The following TSKU variants were observed in gnomAD, a reference collection of about 807,000 sequenced individuals.
The protein encoded by TSKU is tsukushi.
In TSKU, 4 loss-of-function variants were observed where a neutral mutation model predicts 11.2. The observed-to-expected ratio is 0.36, with a 90% CI of 0.18 to 0.82. The LOEUF is 0.82. TSKU is among the 40% of genes least tolerant of loss of function. TSKU has a pLI of 0.50. For synonymous variants in TSKU, 220 were observed against 232.2 expected (o/e 0.95, Z 0.48); for missense variants, 407 against 482.5 (o/e 0.84, Z 1.47).
At chr11:76,788,463 G>A (rs1022467050) in intron 1 of TSKU, among the ~76,000 whole-genome samples, 4 of 151,840 alleles carry the variant, frequency 2.6e-5, no homozygotes, top group Non-Finnish European at 5.9e-5. Context: ...AGCCAGTCTC[G>A]GACCTGCTGT....
chr11:76,796,565 C>A lies in TSKU; in HGVS notation c.949C>A (p.Arg317=). Residue 317 remains arginine, a synonymous_variant, in exon 2 of 2, where the codon CGG becomes AGG. Coordinates refer to ENST00000333090, the MANE Select transcript of TSKU (RefSeq NM_015516.4). The surrounding 1 kb of genome is among the most constrained non-coding windows in gnomAD (Gnocchi z 4.1). ...CAGCGTGGGCCAGGATGTGCGGTGC[C>A]GGCGCCTGGTGCGGGAGGGCACCTA... ...SVSVGQDVRC[R]RLVREGTYPR... is the part of the protein sequence containing the mutation. The A allele has an allele frequency of 1.3e-6, 2 of 1,582,752 alleles. No individual in the cohort carries two copies. Among genetic ancestry groups the A allele is most frequent in the Non-Finnish European group, 1.7e-6 (2 of 1,162,674 alleles).
intron 1 of TSKU, among the ~76,000 whole-genome samples, chr11:76,783,700 C>T (rs1356978513): frequency 1.3e-5 from 2 of 152,156 alleles, no homozygotes; most frequent in African/African-American, 4.8e-5. Flanking sequence ...GATTTGCGGT[C>T]GGGGACGCGC....
chr11:76,794,818 G>A (rs1158704704), intron 1 of TSKU, among the ~76,000 whole-genome samples: 2 of 152,188 alleles, frequency 1.3e-5, no homozygotes, highest in African/African-American at 4.8e-5. Context: ...AGGGGGACAG[G>A]GCAGGTGGAG....
Position 76,797,800 on chromosome 11 carries a change from A to G in TSKU, c.*1122A>G. 1 of 167,260 alleles carries G rather than the reference A, an allele frequency of 6.0e-6. No individual in the cohort carries two copies. The allele number at this position is 167,260 out of a possible 1,614,324, so 10.4% of individuals were successfully genotyped here. A position where few individuals can be genotyped will look rare whatever the true frequency, so the allele number is the denominator to read the frequency against. ...CATGTCTATGCTCTACCCCCAGGGT[A>G]GCATCTCAGCTTCCGAACCCTGGGC... is the stretch of plus-strand genomic sequence containing the variant. On this transcript the variant is annotated 3_prime_UTR_variant, in exon 2 of 2. Transcript: ENST00000333090.
chr11:76,783,960 C>T (rs1395202476), intron 1 of TSKU, among the ~76,000 whole-genome samples: 1 of 150,396 alleles, frequency 6.6e-6, no homozygotes, highest in African/African-American at 2.4e-5. Context: ...AAACTTTTCT[C>T]CCGGTTCCTC....
intron 1 of TSKU, among the ~76,000 whole-genome samples, chr11:76,793,792 C>A (rs527854868): frequency 1.3e-5 from 2 of 151,382 alleles, no homozygotes; most frequent in African/African-American, 2.4e-5. Flanking sequence ...TTGGCCTCTA[C>A]AAAAGAAAGG....
chr11:76,796,269 C>T lies in TSKU; in HGVS notation c.653C>T (p.Ala218Val), dbSNP rs1465260550. 1 of 1,613,482 alleles carries T rather than the reference C, an allele frequency of 6.2e-7. No individual in the cohort carries two copies. The highest frequency in any genetic ancestry group is 1.7e-5 in the Admixed American group (1 of 60,024). The change falls in exon 2 of 2, where the codon GCT (alanine) becomes GTT (valine). Residue 218 changes from alanine to valine, a missense_variant. Coordinates refer to ENST00000333090, the MANE Select transcript of TSKU (RefSeq NM_015516.4). This position sits in a 1 kb window ranked among gnomAD's most constrained non-coding sequence, Gnocchi z 4.1. The stretch of plus-strand genomic sequence containing the variant: ...CTGAGCCTGGATGGGAACCCTCTAG[C>T]TGTCATTGGTCCGGGTGCCTTCGCG... Reference protein sequence around the residue: ...RYLSLDGNPLAVIGPGAFAGL... With the variant: ...RYLSLDGNPLVVIGPGAFAGL...
intron 1 of TSKU, among the ~76,000 whole-genome samples, chr11:76,793,862 C>T (rs549498430): frequency 6.6e-6 from 1 of 152,246 alleles, no homozygotes; most frequent in African/African-American, 2.4e-5. Flanking sequence ...CCACTTTTCC[C>T]TGCCCCTGGG....
chr11:76,790,407 G>A (rs1837680), intron 1 of TSKU, among the ~76,000 whole-genome samples: 45,054 of 152,104 alleles, frequency 0.3, 7,598 homozygotes, highest in African/African-American at 0.46. Context: ...ATTTGTCAGC[G>A]TCCTGGTGCT....
rs1944457797 is a variant in TSKU at position 76,796,702 on chromosome 11, A to G, written c.*24A>G. On this transcript the variant is annotated 3_prime_UTR_variant, in exon 2 of 2. Coordinates refer to ENST00000333090, the MANE Select transcript of TSKU (RefSeq NM_015516.4). The surrounding 1 kb of genome is among the most constrained non-coding windows in gnomAD (Gnocchi z 4.1). ...GACAAATGGTGTGGCCCAGGGCCAC[A>G]TAACAGACTGCTGTCCTGGGCTGCC... The G allele has an allele frequency of 9.1e-6, 13 of 1,435,008 alleles. No homozygotes were observed. Among genetic ancestry groups the G allele is most frequent in the East Asian group, 2.5e-5 (1 of 39,746 alleles). 88.9% of individuals were successfully genotyped at this position (1,435,008 alleles called of 1,614,324 possible). A position where few individuals can be genotyped will look rare whatever the true frequency, so the allele number is the denominator to read the frequency against.
chr11:76,793,648 G>A (rs1268139220), intron 1 of TSKU, among the ~76,000 whole-genome samples: 1 of 152,100 alleles, frequency 6.6e-6, no homozygotes, highest in Non-Finnish European at 1.5e-5. Flanking sequence ...CTGCGGTGAG[G>A]AGCTCGCCCA....
At chr11:76,793,024 G>A (rs1944394999) in intron 1 of TSKU, among the ~76,000 whole-genome samples, 1 of 152,256 alleles carries the variant, frequency 6.6e-6, no homozygotes, top group African/African-American at 2.4e-5. Context: ...CAGAGAGTGA[G>A]GACTGGCCCT....
intron 1 of TSKU, among the ~76,000 whole-genome samples, chr11:76,793,151 C>T (rs894914753): frequency 6.6e-6 from 1 of 152,266 alleles, no homozygotes; most frequent in Non-Finnish European, 1.5e-5. Context: ...GAACCTAGTT[C>T]AGTGCCCTGG....
rs201729113 is a variant in TSKU, at chr11:76,795,776, G to T, written c.160G>T (p.Val54Leu). The change falls in exon 2 of 2, where the codon GTG becomes TTG. Residue 54 changes from valine to leucine, a missense_variant. Physicochemically the swap from Val to Leu is conservative, Grantham distance 32 (BLOSUM62 1). Transcript: ENST00000333090. ...CGGCCTGGGCCCCCACATCATGCCG[G>T]TGCCCATCCCTCTGGACACAGCCCA... Reference protein sequence around the residue: ...CSGLGPHIMPVPIPLDTAHLD... With the variant: ...CSGLGPHIMPLPIPLDTAHLD... 5 of 1,614,160 alleles carry T rather than the reference G, an allele frequency of 3.1e-6. No homozygotes were observed. In the Admixed American group the frequency reaches 6.7e-5, roughly 22 times the overall value.
intron 1 of TSKU, among the ~76,000 whole-genome samples, chr11:76,795,300 C>G (rs1411655691): frequency 1.3e-5 from 2 of 152,212 alleles, no homozygotes; most frequent in Non-Finnish European, 2.9e-5. Context: ...GGGCAGAAGT[C>G]GAGGGCTTCA....
At chr11:76,791,581 G>C (rs1387806002) in intron 1 of TSKU, among the ~76,000 whole-genome samples, 1 of 152,242 alleles carries the variant, frequency 6.6e-6, no homozygotes, top group Non-Finnish European at 1.5e-5. Context: ...TGGCTTCAGA[G>C]GGTGCAAGCC....
rs1444777160 is a variant in TSKU, at chr11:76,796,117, C to T, written c.501C>T (p.Asn167=). ...GRALHVDLSH[N]LIHRLVPHPT... ...CACTACACGTGGACCTCTCCCACAACCTCATTCACCGCCTCGTGCCCCACC... is the reference window on the plus strand; with the variant it reads ...CACTACACGTGGACCTCTCCCACAATCTCATTCACCGCCTCGTGCCCCACC... The change falls in exon 2 of 2, where the codon AAC becomes AAT. Residue 167 remains asparagine (N), a synonymous_variant. Coordinates refer to ENST00000333090, the MANE Select transcript of TSKU (RefSeq NM_015516.4). The surrounding 1 kb of genome is among the most constrained non-coding windows in gnomAD (Gnocchi z 4.1). 1 of 1,614,064 alleles carries T rather than the reference C, an allele frequency of 6.2e-7. No homozygotes were observed. The highest frequency in any genetic ancestry group is 1.1e-5 in the South Asian group (1 of 91,078).
At chr11:76,790,985 A>C (rs1944363558) in intron 1 of TSKU, among the ~76,000 whole-genome samples, 1 of 152,216 alleles carries the variant, frequency 6.6e-6, no homozygotes, top group African/African-American at 2.4e-5. Context: ...TCCTGATGGC[A>C]ATATGGACAA....
chr11:76,796,203 T>C lies in TSKU; in HGVS notation c.587T>C (p.Leu196Pro), dbSNP rs1307464458. The change falls in exon 2 of 2, where the codon CTC (leucine) becomes CCC (proline). Residue 196 changes from leucine to proline, a missense_variant. Coordinates refer to ENST00000333090, the MANE Select transcript of TSKU (RefSeq NM_015516.4). The surrounding 1 kb of genome is among the most constrained non-coding windows in gnomAD (Gnocchi z 4.1). ...IQSLNLAWNR[L>P]HAVPNLRDLP... ...AGCCTGAACCTGGCCTGGAACCGGC[T>C]CCATGCCGTGCCCAACCTCCGAGAC... 6.2e-7 allele frequency: 1 copy of C among 1,613,482 alleles called. No homozygotes were observed. The highest frequency in any genetic ancestry group is 8.5e-7 in the Non-Finnish European group (1 of 1,179,966).
Sources: allele counts gnomAD v4.1 joint callset (sites outside exome capture counted in the v4.1 genomes callset), GRCh38; gene constraint gnomAD v4.1.1; non-coding constraint Gnocchi (gnomAD v3.1); transcripts MANE v1.5; gene names NCBI Gene and HGNC (gene_info 2026-07-23, HGNC 2026-07-21).